Variants in CNTN3 observed in about 807,000 individuals in gnomAD.
CNTN3 encodes the protein contactin 3.
In CNTN3, 60 loss-of-function variants were observed where a neutral mutation model predicts 119.1. The observed-to-expected ratio is 0.50, with a 90% CI of 0.41 to 0.62. The LOEUF is 0.62. Among genes scored for constraint, CNTN3 ranks in the 20% least tolerant of loss-of-function variants. The pLI, the probability that CNTN3 is intolerant of heterozygous loss-of-function variation, is 0.00. For missense variants in CNTN3, 1,101 were observed against 1,242.4 expected, an observed-to-expected ratio of 0.89 and a Z score of 1.71; for synonymous variants, 450 against 438.7, an observed-to-expected ratio of 1.03 and a Z score of -0.32.
chr3:74,408,703 T>A (rs1316956861), intron 5 of CNTN3, among the ~76,000 whole-genome samples: 2 of 152,102 alleles, frequency 1.3e-5, no homozygotes, highest in African/African-American at 4.8e-5. Context: ...TCATTTGGAA[T>A]CTTCTATGCA....
rs370407152 is a variant in CNTN3, at chr3:74,583,176, T to G, written c.-81+31215A>C. 4.4e-4 allele frequency among the ~76,000 whole-genome samples: 67 copies of G among 152,202 alleles called. No homozygotes were observed. In the East Asian group the frequency reaches 9.9e-3, roughly 22 times the overall value. ...GATTCAGGGCAGGGGAAATCCTGGT[T>G]TGGTGTGTGAGAGTTAGGTGAAGGA... On this transcript the variant is annotated intron_variant, in intron 1 of 22. Coordinates refer to ENST00000263665, the MANE Select transcript of CNTN3 (RefSeq NM_020872.3).
intron 4 of CNTN3, among the ~76,000 whole-genome samples, chr3:74,440,395 A>G (rs537382479): frequency 6.6e-6 from 1 of 152,124 alleles, no homozygotes; most frequent in Admixed American, 6.6e-5. Flanking sequence ...GATTAATAAT[A>G]TCTTAGATCC....
At chr3:74,436,910 C>T (rs992254743) in intron 4 of CNTN3, among the ~76,000 whole-genome samples, 1 of 152,084 alleles carries the variant, frequency 6.6e-6, no homozygotes, top group Non-Finnish European at 1.5e-5. Context: ...AAGTGAACTC[C>T]TACTGTCCAA....
chr3:74,282,854 T>C (rs536251032), intron 20 of CNTN3, among the ~76,000 whole-genome samples: 130 of 152,156 alleles, frequency 8.5e-4, no homozygotes, highest in Non-Finnish European at 1.7e-3. Flanking sequence ...ATGTTCTTTA[T>C]ATGCCATTTT....
chr3:74,330,408 T>C lies in CNTN3; in HGVS notation c.1668+4327A>G, dbSNP rs533276951. Among the ~76,000 whole-genome samples the C allele has an allele frequency of 5.3e-5, 8 of 152,036 alleles. No homozygotes were observed. The East Asian group carries it at 1.2e-3, about 22-fold the overall frequency. On this transcript the variant is annotated intron_variant, in intron 13 of 22. Coordinates refer to ENST00000263665, the MANE Select transcript of CNTN3 (RefSeq NM_020872.3). ...TAGTGACACTGTAGCCATCATAATATTACAGCACAATGCCTTACTGATGCA... is the reference window on the plus strand; with the variant it reads ...TAGTGACACTGTAGCCATCATAATACTACAGCACAATGCCTTACTGATGCA...
chr3:74,365,710 G>A lies in CNTN3; in HGVS notation c.947-8C>T, dbSNP rs1045649078. On this transcript the variant is annotated splice_region_variant and splice_polypyrimidine_tract_variant and intron_variant, in intron 8 of 22. Coordinates refer to ENST00000263665, the MANE Select transcript of CNTN3 (RefSeq NM_020872.3). ...GAACCCAATGGGGCTTTGCTTCAATGAAAGAAAAGGAAAAAGAAAAGAAAT... is the reference window on the plus strand; with the variant it reads ...GAACCCAATGGGGCTTTGCTTCAATAAAAGAAAAGGAAAAAGAAAAGAAAT... 2 of 1,588,562 alleles carry A rather than the reference G, an allele frequency of 1.3e-6. No homozygotes were observed. The highest frequency in any genetic ancestry group is 1.8e-5 in the Admixed American group (1 of 55,532).
At chr3:74,594,793 G>C (rs906570917) in intron 1 of CNTN3, among the ~76,000 whole-genome samples, 3 of 151,744 alleles carry the variant, frequency 2.0e-5, no homozygotes, top group African/African-American at 7.3e-5. Flanking sequence ...ATGATTTATA[G>C]TCCTTTGGGT....
intron 4 of CNTN3, among the ~76,000 whole-genome samples, chr3:74,467,115 T>C (rs1037919596): frequency 2.0e-5 from 3 of 152,114 alleles, no homozygotes; most frequent in African/African-American, 4.8e-5. Context: ...AATACAATTT[T>C]TTTCAAAAAA....
intron 20 of CNTN3, among the ~76,000 whole-genome samples, chr3:74,280,986 A>G (rs958138584): frequency 6.6e-6 from 1 of 152,182 alleles, no homozygotes. Flanking sequence ...TTATGTGGGT[A>G]TCTGGAGGAA....
chr3:74,377,221 A>G (rs1488810), intron 5 of CNTN3, among the ~76,000 whole-genome samples: 152,016 of 152,202 alleles, frequency 1, 75,915 homozygotes, highest in Non-Finnish European at 1. Flanking sequence ...CTTTGAGATA[A>G]AATGAAACAT....
rs141406462 is a variant in CNTN3 at position 74,292,425 on chromosome 3, G to T, written c.2517+2696C>A. On this transcript the variant is annotated intron_variant, in intron 19 of 22. Transcript: ENST00000263665. ...ACTAAAAAATACAAAAGTTAGCTGG[G>T]CGTGGTGGCGTGCACCTGTAATCCC... 4.6e-3 allele frequency among the ~76,000 whole-genome samples: 698 copies of T among 152,252 alleles called. 4 individuals are homozygous for T. Among genetic ancestry groups the T allele is most frequent in the African/African-American group, 0.015 (636 of 41,554 alleles).
At position 74,331,680 on chromosome 3, in the gene CNTN3, A is replaced by G. The variant is rs9814236; in HGVS notation, c.1668+3055T>C. On this transcript the variant is annotated intron_variant, in intron 13 of 22. Transcript: ENST00000263665. ...AACTTTTCTTGGCAAACAGGAACTT[A>G]TGTGGAAGTCTTTTCCTGCTGATTT... Among the ~76,000 whole-genome samples the G allele has an allele frequency of 9.3e-4, 142 of 152,294 alleles. 1 individual carries two copies. The highest frequency in any genetic ancestry group is 3.2e-3 in the African/African-American group (135 of 41,570).
Position 74,369,174 on chromosome 3 carries a change from A to G in CNTN3, c.946+15T>C. ...TAAAAGCTAAAACTCCAATTTGCCC[A>G]AAGCAGATGCTCACCATAGTAAGTG... is the stretch of plus-strand genomic sequence containing the variant. On this transcript the variant is annotated intron_variant, in intron 8 of 22. Coordinates refer to ENST00000263665, the MANE Select transcript of CNTN3 (RefSeq NM_020872.3). The G allele has an allele frequency of 1.3e-6, 2 of 1,566,956 alleles. No homozygotes were observed. The highest frequency in any genetic ancestry group is 1.7e-6 in the Non-Finnish European group (2 of 1,159,176).
At chr3:74,380,876 T>C (rs1014398425) in intron 5 of CNTN3, among the ~76,000 whole-genome samples, 2 of 152,190 alleles carry the variant, frequency 1.3e-5, no homozygotes, top group African/African-American at 4.8e-5. Context: ...AGGAATGTCA[T>C]GGGGGCTTCA....
chr3:74,312,940 A>G (rs1475995189), intron 13 of CNTN3, among the ~76,000 whole-genome samples: 2 of 152,110 alleles, frequency 1.3e-5, no homozygotes, highest in Non-Finnish European at 1.5e-5. Flanking sequence ...ATAAACAAAC[A>G]TGTAAGAAAA....
At chr3:74,395,485 T>C (rs981021687) in intron 5 of CNTN3, among the ~76,000 whole-genome samples, 1 of 152,048 alleles carries the variant, frequency 6.6e-6, no homozygotes, top group South Asian at 2.1e-4. Flanking sequence ...GAATTTACGA[T>C]AGTGGCTAGT....
At chr3:74,523,345 C>T (rs1208580478) in intron 1 of CNTN3, among the ~76,000 whole-genome samples, 1 of 151,670 alleles carries the variant, frequency 6.6e-6, no homozygotes, top group African/African-American at 2.4e-5. Flanking sequence ...TTTAAATTAT[C>T]TAATAAAATA....
In CNTN3 at chr3:74,334,837, C is replaced by T. The variant is rs377021413; in HGVS notation, c.1566G>A (p.Gln522=). The T allele has an allele frequency of 5.6e-6, 9 of 1,613,316 alleles. No individual in the cohort carries two copies. Among genetic ancestry groups the T allele is most frequent in the Non-Finnish European group, 7.6e-6 (9 of 1,179,542 alleles). ...SVGESVILPC[Q]VQHDPLLDII... is the part of the protein sequence containing the mutation. Reference sequence around the variant, plus strand: ...TGTCTAACAGCGGGTCATGTTGTACCTGGCAGGGCAATATGACGCTTTCAC... The same window carrying T: ...TGTCTAACAGCGGGTCATGTTGTACTTGGCAGGGCAATATGACGCTTTCAC... The change falls in exon 13 of 23, where the codon CAG becomes CAA. Residue 522 remains glutamine (Q), a synonymous_variant. Coordinates refer to ENST00000263665, the MANE Select transcript of CNTN3 (RefSeq NM_020872.3).
At chr3:74,482,700 G>C (rs555251454) in intron 4 of CNTN3, among the ~76,000 whole-genome samples, 102 of 152,214 alleles carry the variant, frequency 6.7e-4, no homozygotes, top group African/African-American at 2.2e-3. Context: ...GTCAAGAGAA[G>C]AGACACAGCT....
Sources: gnomAD v4.1 joint callset for allele counts (sites outside exome capture counted in the v4.1 genomes callset) on GRCh38, gnomAD v4.1.1 for gene constraint, MANE v1.5 for transcripts, NCBI Gene and HGNC (gene_info 2026-07-23, HGNC 2026-07-21) for gene names.